Variants in FUT9 observed in about 807,000 individuals in gnomAD.
FUT9 encodes fucosyltransferase 9, also known as 4-galactosyl-N-acetylglucosaminide 3-alpha-L-fucosyltransferase 9.
Under a neutral mutation model 29.7 loss-of-function variants are expected in FUT9, and 15 were observed. The observed-to-expected ratio is 0.51, with a 90% CI of 0.34 to 0.78. The LOEUF (loss-of-function observed/expected upper bound fraction) is 0.78. FUT9 is among the 30% of genes least tolerant of loss of function. The pLI is 0.01. For missense variants in FUT9, 319 were observed against 425.4 expected (o/e 0.75, Z 2.20); for synonymous variants, 169 against 153.7 (o/e 1.10, Z -0.74).
intron 2 of FUT9, among the ~76,000 whole-genome samples, chr6:96,118,934 G>T (rs530432730): frequency 6.7e-6 from 1 of 148,936 alleles, no homozygotes; most frequent in Non-Finnish European, 1.5e-5. Context: ...AAGGATTAAA[G>T]AAAGAAATTA....
rs190595841 is a variant in FUT9 at position 96,155,240 on chromosome 6, A to C, written c.-9+41113A>C. ...TTGGGAGTTAGAAGGGGTAAAAAAA[A>C]CGCTCAGTGTCAAAAGATTTATTGT... On this transcript the variant is annotated intron_variant, in intron 2 of 2. Coordinates refer to ENST00000302103, the MANE Select transcript of FUT9 (RefSeq NM_006581.4). 4.4e-3 allele frequency among the ~76,000 whole-genome samples: 663 copies of C among 152,246 alleles called. 5 individuals are homozygous for C. The highest frequency in any genetic ancestry group is 0.015 in the African/African-American group (640 of 41,550).
rs75592301 is a variant in FUT9 at position 96,042,328 on chromosome 6, G to A, written c.-98+26116G>A. On this transcript the variant is annotated intron_variant, in intron 1 of 2. Transcript: ENST00000302103. ...AACAATGTCTGCATCTTGTTGCTTC[G>A]TATTTTAACTATTGTTTTTTCTTGG... is the stretch of plus-strand genomic sequence containing the variant. Among the ~76,000 whole-genome samples the A allele has an allele frequency of 3.1e-3, 479 of 152,194 alleles. 2 individuals carry two copies. The highest frequency in any genetic ancestry group is 0.011 in the African/African-American group (455 of 41,528).
At chr6:96,133,492 ACCT>A (rs1772286454) in intron 2 of FUT9, among the ~76,000 whole-genome samples, 2 of 152,016 alleles carry the variant, frequency 1.3e-5, no homozygotes, top group African/African-American at 4.8e-5. Context: ...TTGGGTTCAG[ACCT>A]CAGCTCTACA....
At chr6:96,136,676 T>C (rs1449113623) in intron 2 of FUT9, among the ~76,000 whole-genome samples, 1 of 151,980 alleles carries the variant, frequency 6.6e-6, no homozygotes, top group African/African-American at 2.4e-5. Context: ...TTGTATGTTA[T>C]CACAATGCTT....
intron 1 of FUT9, among the ~76,000 whole-genome samples, chr6:96,031,636 A>G (rs1053075701): frequency 2.0e-5 from 3 of 151,518 alleles, no homozygotes; most frequent in African/African-American, 7.3e-5. Context: ...ATTCCCTAGC[A>G]ATTTATAAGG....
chr6:96,058,600 T>TA (rs566332814), intron 1 of FUT9, among the ~76,000 whole-genome samples: 13 of 151,848 alleles, frequency 8.6e-5, no homozygotes, highest in Non-Finnish European at 1.2e-4. Context: ...TAATTTCAGG[T>TA]AAAAAAATAC....
At chr6:96,172,674 C>A (rs1193106922) in intron 2 of FUT9, among the ~76,000 whole-genome samples, 3 of 151,642 alleles carry the variant, frequency 2.0e-5, no homozygotes, top group African/African-American at 7.3e-5. Context: ...ACTGGACAAA[C>A]ACTAAAAGTT....
intron 1 of FUT9, among the ~76,000 whole-genome samples, chr6:96,043,341 C>T (rs186782883): frequency 3.1e-4 from 47 of 152,282 alleles, no homozygotes; most frequent in Non-Finnish European, 5.6e-4. Flanking sequence ...TGAGCCACCG[C>T]GCCCAGACGA....
chr6:96,113,572 C>T (rs1334448251), intron 1 of FUT9, among the ~76,000 whole-genome samples: 3 of 147,246 alleles, frequency 2.0e-5, no homozygotes, highest in South Asian at 2.5e-4. Context: ...TAACAGAAAT[C>T]GGGCTGGGTG....
At chr6:96,174,516 G>A (rs1202079107) in intron 2 of FUT9, among the ~76,000 whole-genome samples, 1 of 152,088 alleles carries the variant, frequency 6.6e-6, no homozygotes, top group Non-Finnish European at 1.5e-5. Context: ...CACCAGTTAA[G>A]TACAGCAATA....
chr6:96,203,085 A>G (rs1254421600), intron 2 of FUT9, 63 bp from the exon 3 acceptor site: 2 of 1,223,414 alleles, frequency 1.6e-6, no homozygotes, highest in African/African-American at 3.0e-5. Context: ...TATCTCCAAT[A>G]TATTTATGAT....
At chr6:96,047,561 C>T (rs964728229) in intron 1 of FUT9, among the ~76,000 whole-genome samples, 1 of 152,062 alleles carries the variant, frequency 6.6e-6, no homozygotes, top group Non-Finnish European at 1.5e-5. Flanking sequence ...TAGTTAATTA[C>T]ATTCATTGTA....
intron 2 of FUT9, among the ~76,000 whole-genome samples, chr6:96,166,796 A>C (rs1192248547): frequency 6.6e-6 from 1 of 152,120 alleles, no homozygotes; most frequent in African/African-American, 2.4e-5. Context: ...CATTGTATAC[A>C]TTGTACTATT....
At chr6:96,052,013 A>C (rs1770679772) in intron 1 of FUT9, among the ~76,000 whole-genome samples, 1 of 152,142 alleles carries the variant, frequency 6.6e-6, no homozygotes, top group Non-Finnish European at 1.5e-5. Flanking sequence ...TGGGTCATTT[A>C]TATAGAAAAG....
chr6:96,065,475 T>G (rs1770946710), intron 1 of FUT9, among the ~76,000 whole-genome samples: 1 of 152,168 alleles, frequency 6.6e-6, no homozygotes. Context: ...TGCTCAGTTC[T>G]CTAAGTAATT....
At chr6:96,193,964 A>C (rs1199815587) in intron 2 of FUT9, among the ~76,000 whole-genome samples, 2 of 152,210 alleles carry the variant, frequency 1.3e-5, no homozygotes, top group African/African-American at 2.4e-5. Context: ...CGAAAAACCA[A>C]ACACTGCATG....
chr6:96,072,707 T>C (rs1246555165), intron 1 of FUT9, among the ~76,000 whole-genome samples: 1 of 152,202 alleles, frequency 6.6e-6, no homozygotes, highest in Non-Finnish European at 1.5e-5. Flanking sequence ...AGTTCACTGG[T>C]TAATTCATTA....
chr6:96,134,631 TATTACAATA>T (rs1772313816), intron 2 of FUT9, among the ~76,000 whole-genome samples: 2 of 151,872 alleles, frequency 1.3e-5, no homozygotes, highest in South Asian at 4.1e-4. Flanking sequence ...TTCATGGGAC[TATTACAATA>T]ATTATTACAA....
rs916726125 is a variant in FUT9 at position 96,210,108 on chromosome 6, A to C, written c.*5873A>C. On this transcript the variant is annotated 3_prime_UTR_variant, in exon 3 of 3. Coordinates refer to ENST00000302103, the MANE Select transcript of FUT9 (RefSeq NM_006581.4). The stretch of plus-strand genomic sequence containing the variant: ...TGGGACCAGGAATCTTATTTTAAAA[A>C]TCTCCCCAGATGGTTCTGGTGTCCT... 1 of 166,814 alleles carries C rather than the reference A, an allele frequency of 6.0e-6. No homozygotes were observed. The highest frequency in any genetic ancestry group is 1.5e-5 in the Non-Finnish European group (1 of 68,020). The allele number at this position is 166,814 out of a possible 1,614,324, so 10.3% of individuals were successfully genotyped here.
Sources: allele counts gnomAD v4.1 joint callset (sites outside exome capture counted in the v4.1 genomes callset), GRCh38; gene constraint gnomAD v4.1.1; transcripts MANE v1.5; gene names NCBI Gene and HGNC (gene_info 2026-07-23, HGNC 2026-07-21).